Variants in MEA1 observed in about 807,000 individuals in gnomAD.
MEA1 encodes Male-enhanced antigen (H-Y structural gene).
In MEA1, 22 loss-of-function variants were observed where a neutral mutation model predicts 21.4. That is an observed-to-expected ratio of 1.03 (90% CI 0.73 to 1.47). MEA1 has a LOEUF of 1.47. MEA1 is among the 40% of genes most tolerant of loss of function. MEA1 has a pLI of 0.00. For missense variants in MEA1, 233 were observed against 230.5 expected, an observed-to-expected ratio of 1.01 and a Z score of -0.07; for synonymous variants, 91 against 85.5, an observed-to-expected ratio of 1.06 and a Z score of -0.35.
In MEA1 at chr6:43,011,190, G is replaced by A; in HGVS notation, c.*1280C>T. On this transcript the variant is annotated 3_prime_UTR_variant, in exon 4 of 4. Transcript: ENST00000244711. ...AGAAGGAGAAAGTGCTGCTGCGGAG[G>A]AAGTCGGAGCTGCCCCAGGACGTGT... 2 of 1,614,128 alleles carry A rather than the reference G, an allele frequency of 1.2e-6. No individual in the cohort carries two copies. Among genetic ancestry groups the A allele is most frequent in the Non-Finnish European group, 1.7e-6 (2 of 1,180,004 alleles).
In MEA1 at chr6:43,012,971, C is replaced by T. The variant is rs1762425224; in HGVS notation, c.361G>A (p.Gly121Arg). 6.2e-7 allele frequency: 1 copy of T among 1,609,068 alleles called. No homozygotes were observed. The highest frequency in any genetic ancestry group is 1.4e-5 in the African/African-American group (1 of 73,678). The change falls in exon 3 of 4, where the codon GGA becomes AGA. Residue 121 changes from glycine (G) to arginine (R), a missense_variant. By Grantham distance (125) the Gly-to-Arg change is moderately radical (BLOSUM62 -2). Transcript: ENST00000244711. ...PLESEDEDEE[G>R]ATALNNHSSI... is the part of the protein sequence containing the mutation. ...CTGTGGTTGTTCAACGCTGTAGCTC[C>T]CTCCTCATCTTCATCTTCACTCTCT...
In MEA1 at chr6:43,012,173, G is replaced by A; in HGVS notation, c.*297C>T. ...TTGTCCCTTATAGGTACCTTGGAGGGGCCAGGGGCTGAGGAAGGCCGGACC... is the reference window on the plus strand; with the variant it reads ...TTGTCCCTTATAGGTACCTTGGAGGAGCCAGGGGCTGAGGAAGGCCGGACC... On this transcript the variant is annotated 3_prime_UTR_variant, in exon 4 of 4. Coordinates refer to ENST00000244711, the MANE Select transcript of MEA1 (RefSeq NM_014623.4). 1 of 1,106,142 alleles carries A rather than the reference G, an allele frequency of 9.0e-7. No homozygotes were observed. Among genetic ancestry groups the A allele is most frequent in the Non-Finnish European group, 1.1e-6 (1 of 906,828 alleles). The allele number at this position is 1,106,142 out of a possible 1,614,324, so 68.5% of individuals were successfully genotyped here. A position where few individuals can be genotyped will look rare whatever the true frequency, so the allele number is the denominator to read the frequency against.
Position 43,013,380 on chromosome 6 carries a change from C to G in MEA1, c.38G>C (p.Arg13Pro). 1 of 1,612,710 alleles carries G rather than the reference C, an allele frequency of 6.2e-7. No homozygotes were observed. Among genetic ancestry groups the G allele is most frequent in the Non-Finnish European group, 8.5e-7 (1 of 1,179,458 alleles). ...TCCTCCTAGAACTACTGTTGCCATC[C>G]GGGCAGGGGCTGCAAGAACAGGGAG... Reference protein sequence around the residue: ...PERHLSGAPARMATVVLGGDT... With the variant: ...PERHLSGAPAPMATVVLGGDT... The change falls in exon 2 of 4, where the codon CGG becomes CCG. Residue 13 changes from arginine to proline, a missense_variant. Transcript: ENST00000244711.
upstream of MEA1, chr6:43,014,716 A>G (rs1762519027): frequency 7.2e-6 from 3 of 414,126 alleles, no homozygotes; most frequent in East Asian, 7.2e-5. Flanking sequence ...TATCGTGGTC[A>G]GTGCATGCTA....
intron 2 of MEA1, 31 bp from the exon 3 acceptor site, chr6:43,013,059 A>G (rs1206542754): frequency 6.2e-7 from 1 of 1,614,018 alleles, no homozygotes. Flanking sequence ...GTTTGGGTCT[A>G]GGCTTTCAGG....
At chr6:43,013,575 C>G (rs1762458626) in intron 1 of MEA1, 186 bp from the exon 2 acceptor site, 1 of 828,910 alleles carries the variant, frequency 1.2e-6, no homozygotes, top group Non-Finnish European at 1.9e-6. Context: ...GGGTTCTTAT[C>G]TTGAACCAGG....
rs1267023605 is a variant in MEA1, at chr6:43,012,926, C to T, written c.406G>A (p.Glu136Lys). The T allele has an allele frequency of 3.7e-6, 6 of 1,612,586 alleles. No homozygotes were observed. The highest frequency in any genetic ancestry group is 5.1e-6 in the Non-Finnish European group (6 of 1,178,714). The change falls in exon 3 of 4, where the codon GAA becomes AAA. Residue 136 changes from glutamate to lysine, a missense_variant and splice_region_variant. Coordinates refer to ENST00000244711, the MANE Select transcript of MEA1 (RefSeq NM_014623.4). ...CCAGAATGAAAGAATGATCTTTTAC[C>T]TGGGTCCATGGGAATAGAGCTGTGG... Reference protein sequence around the residue: ...NNHSSIPMDPEHVELVKRTMA... With the variant: ...NNHSSIPMDPKHVELVKRTMA...
upstream of MEA1, chr6:43,014,341 C>T: frequency 6.5e-6 from 4 of 615,270 alleles, no homozygotes; most frequent in South Asian, 1.8e-5. Flanking sequence ...CCCGGCTCGG[C>T]CTGGCAGGTA....
rs1459534689 is a variant in MEA1 at position 43,013,829 on chromosome 6, G to A, written c.-16C>T. ...CAGGCCCCATGGGCTCCCCTCAAAT[G>A]GCCCCAGCTGCAGCGTCCCCCACCC... On this transcript the variant is annotated 5_prime_UTR_variant, in exon 1 of 4. Coordinates refer to ENST00000244711, the MANE Select transcript of MEA1 (RefSeq NM_014623.4). 6.3e-7 allele frequency: 1 copy of A among 1,586,282 alleles called. No homozygotes were observed. The highest frequency in any genetic ancestry group is 1.7e-5 in the Admixed American group (1 of 57,742).
In MEA1 at chr6:43,013,142, T is replaced by G. The variant is rs772774225; in HGVS notation, c.276A>C (p.Val92=). The stretch of plus-strand genomic sequence containing the variant: ...GGATTCGATCCTGGATGTCAGCAAC[T>G]ACATCTCCATCCCCCACTGGTGCCA... ...VELAPVGDGD[V]VADIQDRIQA... The change falls in exon 2 of 4, where the codon GTA becomes GTC. Residue 92 remains valine (V), a synonymous_variant. Transcript: ENST00000244711. 4.3e-6 allele frequency: 7 copies of G among 1,614,068 alleles called. No individual in the cohort carries two copies. Among genetic ancestry groups the G allele is most frequent in the Non-Finnish European group, 5.1e-6 (6 of 1,180,008 alleles).
In MEA1 at chr6:43,011,700, G is replaced by T; in HGVS notation, c.*770C>A. On this transcript the variant is annotated 3_prime_UTR_variant, in exon 4 of 4. Coordinates refer to ENST00000244711, the MANE Select transcript of MEA1 (RefSeq NM_014623.4). ...CTGCAGAGGCATGTAGGGAACAGCA[G>T]GAGATTATTCTCACCAAAGTTATGT... 5.1e-6 allele frequency: 1 copy of T among 194,810 alleles called. No individual in the cohort carries two copies. Among genetic ancestry groups the T allele is most frequent in the Non-Finnish European group, 1.1e-5 (1 of 93,776 alleles). 12.1% of individuals were successfully genotyped at this position (194,810 alleles called of 1,614,324 possible). A position where few individuals can be genotyped will look rare whatever the true frequency, so the allele number is the denominator to read the frequency against.
At chr6:43,014,228 G>T, upstream of MEA1, 1 of 1,179,422 alleles carries the variant, frequency 8.5e-7, no homozygotes, top group East Asian at 2.6e-5. Flanking sequence ...GCTGCCCGCC[G>T]GAAGAACCGA....
chr6:43,012,995 C>G lies in MEA1; in HGVS notation c.337G>C (p.Glu113Gln), dbSNP rs1435435878. Reference sequence around the variant, plus strand: ...CCCTCCTCATCTTCATCTTCACTCTCTAATGGTGGGTCTGGCAAATGAAGC... The same window carrying G: ...CCCTCCTCATCTTCATCTTCACTCTGTAATGGTGGGTCTGGCAAATGAAGC... Reference protein sequence around the residue: ...LGLHLPDPPLESEDEDEEGAT... With the variant: ...LGLHLPDPPLQSEDEDEEGAT... The change falls in exon 3 of 4, where the codon GAG becomes CAG. Residue 113 changes from glutamate (E) to glutamine (Q), a missense_variant. Physicochemically the swap from Glu to Gln is conservative, Grantham distance 29. Coordinates refer to ENST00000244711, the MANE Select transcript of MEA1 (RefSeq NM_014623.4). The G allele has an allele frequency of 6.2e-7, 1 of 1,614,092 alleles. No individual in the cohort carries two copies. Among genetic ancestry groups the G allele is most frequent in the Non-Finnish European group, 8.5e-7 (1 of 1,180,046 alleles).
In MEA1 at chr6:43,012,922, T is replaced by C; in HGVS notation, c.406+4A>G. On this transcript the variant is annotated splice_donor_region_variant and intron_variant, in intron 3 of 3. Coordinates refer to ENST00000244711, the MANE Select transcript of MEA1 (RefSeq NM_014623.4). ...TATTCCAGAATGAAAGAATGATCTT[T>C]TACCTGGGTCCATGGGAATAGAGCT... 6.2e-7 allele frequency: 1 copy of C among 1,612,186 alleles called. No individual in the cohort carries two copies.
chr6:43,013,714 G>C, intron 1 of MEA1, 72 bp downstream of exon 1: 1 of 1,449,322 alleles, frequency 6.9e-7, no homozygotes, highest in Non-Finnish European at 9.6e-7. Flanking sequence ...GGAACTCTGG[G>C]TCATCAGACT....
chr6:43,012,635 C>T lies in MEA1; in HGVS notation c.407-14G>A. The T allele has an allele frequency of 1.3e-6, 2 of 1,587,212 alleles. No homozygotes were observed. Among genetic ancestry groups the T allele is most frequent in the African/African-American group, 1.4e-5 (1 of 73,362 alleles). ...GCTCTACATGTTCTGAAATCAGAGC[C>T]AGAGGCCATTCAGGCATAGAAATAA... On this transcript the variant is annotated splice_polypyrimidine_tract_variant and intron_variant, in intron 3 of 3. Coordinates refer to ENST00000244711, the MANE Select transcript of MEA1 (RefSeq NM_014623.4).
chr6:43,013,665 G>A, intron 1 of MEA1, 121 bp downstream of exon 1: 2 of 1,112,160 alleles, frequency 1.8e-6, no homozygotes, highest in African/African-American at 1.6e-5. Flanking sequence ...ACCCCTTCCA[G>A]AACCCCGGCT....
rs1762409086 is a variant in MEA1, at chr6:43,012,631, G to A, written c.407-10C>T. 6.3e-7 allele frequency: 1 copy of A among 1,589,094 alleles called. No individual in the cohort carries two copies. The highest frequency in any genetic ancestry group is 8.6e-7 in the Non-Finnish European group (1 of 1,169,136). On this transcript the variant is annotated splice_polypyrimidine_tract_variant and intron_variant, in intron 3 of 3. Transcript: ENST00000244711. Reference sequence around the variant, plus strand: ...ACCAGCTCTACATGTTCTGAAATCAGAGCCAGAGGCCATTCAGGCATAGAA... The same window carrying A: ...ACCAGCTCTACATGTTCTGAAATCAAAGCCAGAGGCCATTCAGGCATAGAA...
At position 43,011,404 on chromosome 6, in the gene MEA1, C is replaced by A; in HGVS notation, c.*1066G>T. ...GGAAGGCAGCGCCTCTCTAGCTACT[C>A]AAGGGAGGGGGATGTGGGCACTTGA... On this transcript the variant is annotated 3_prime_UTR_variant, in exon 4 of 4. Coordinates refer to ENST00000244711, the MANE Select transcript of MEA1 (RefSeq NM_014623.4). 1 of 1,377,358 alleles carries A rather than the reference C, an allele frequency of 7.3e-7. No individual in the cohort carries two copies. Among genetic ancestry groups the A allele is most frequent in the South Asian group, 1.4e-5 (1 of 72,194 alleles). The allele number at this position is 1,377,358 out of a possible 1,614,324, so 85.3% of individuals were successfully genotyped here.
Sources: allele counts gnomAD v4.1 joint callset, GRCh38; gene constraint gnomAD v4.1.1; transcripts MANE v1.5; gene names NCBI Gene and HGNC (gene_info 2026-07-23, HGNC 2026-07-21).